The following IFI16 variants were observed in gnomAD, a reference collection of about 807,000 sequenced individuals.
The protein encoded by IFI16 is gamma-interferon-inducible protein 16.
Under a neutral mutation model 68.4 loss-of-function variants are expected in IFI16, and 49 were observed. The observed-to-expected ratio is 0.72, with a 90% CI of 0.57 to 0.91. IFI16 has a LOEUF of 0.91. IFI16 is among the 40% of genes least tolerant of loss of function. IFI16 has a pLI of 0.00. For missense variants in IFI16, 878 were observed against 942.9 expected (o/e 0.93, Z 0.90); for synonymous variants, 307 against 315.0 (o/e 0.97, Z 0.27).
intron 7 of IFI16, among the ~76,000 whole-genome samples, chr1:159,043,643 T>C (rs1654801996): frequency 6.6e-6 from 1 of 152,098 alleles, no homozygotes; most frequent in African/African-American, 2.4e-5. Flanking sequence ...ACTTTTTAAT[T>C]CAAAGCCGGA....
At chr1:159,053,832 A>C (rs1171959081) in intron 11 of IFI16, 108 bp downstream of exon 11, 2 of 803,366 alleles carry the variant, frequency 2.5e-6, no homozygotes, top group East Asian at 2.6e-5. Context: ...GTGGAAAAGG[A>C]ACAAAGCCTT....
chr1:159,026,158 A>G (rs1417857166), intron 6 of IFI16, among the ~76,000 whole-genome samples: 1 of 151,098 alleles, frequency 6.6e-6, no homozygotes, highest in Non-Finnish European at 1.5e-5. Context: ...TGCTTTGGCT[A>G]TGTGGTCTGT....
chr1:159,051,753 G>T lies in IFI16; in HGVS notation c.1740G>T (p.Val580=), dbSNP rs1409458281. ...GTGCCCAGAGTGACCTCAAAGAAGT[G>T]ATGGTGCTGAACGCAACAGAATCAT... ...EDSAQSDLKE[V]MVLNATESFV... Residue 580 remains valine (V), a synonymous_variant, in exon 10 of 12, where the codon GTG becomes GTT. Coordinates refer to ENST00000295809, the MANE Select transcript of IFI16 (RefSeq NM_001376587.1). 3 of 1,614,042 alleles carry T rather than the reference G, an allele frequency of 1.9e-6. No homozygotes were observed. The highest frequency in any genetic ancestry group is 2.2e-5 in the South Asian group (2 of 91,084).
rs1654060755 is a variant in IFI16, at chr1:159,032,529, GA to G, written c.1174del (p.Thr392GlnfsTer11). On this transcript the variant is annotated frameshift_variant, in exon 7 of 12. Coordinates refer to ENST00000295809, the MANE Select transcript of IFI16 (RefSeq NM_001376587.1). LOFTEE classifies it high-confidence loss of function. ...SEMHSFIQIKKKTNPRNNDPK... is the reference protein window; with the variant it reads ...SEMHSFIQIKXKTNPRNNDPK... ...CAGAAAATGAATACTTTCAGATAAA[GA>G]AAAAAACAAACCCGAGAAACAATGA... 1.9e-6 allele frequency: 3 copies of G among 1,572,928 alleles called. No individual in the cohort carries two copies. Among genetic ancestry groups the G allele is most frequent in the Admixed American group, 2.1e-5 (1 of 48,728 alleles).
At chr1:159,031,551 T>C (rs1169740719) in intron 6 of IFI16, among the ~76,000 whole-genome samples, 4 of 152,214 alleles carry the variant, frequency 2.6e-5, no homozygotes, top group Non-Finnish European at 4.4e-5. Context: ...CTCAGCTCTC[T>C]AAATTCACCT....
chr1:159,042,668 CCTTT>C (rs1408291529), intron 7 of IFI16, among the ~76,000 whole-genome samples: 1 of 152,190 alleles, frequency 6.6e-6, no homozygotes, highest in African/African-American at 2.4e-5. Flanking sequence ...TTCATAGGTA[CCTTT>C]CTATTTCTTT....
chr1:159,043,282 C>T (rs1446634218), intron 7 of IFI16, among the ~76,000 whole-genome samples: 1 of 152,272 alleles, frequency 6.6e-6, no homozygotes, highest in Non-Finnish European at 1.5e-5. Flanking sequence ...CACTGTCTCT[C>T]TGTTACTGCA....
intron 8 of IFI16, 84 bp downstream of exon 8, chr1:159,045,548 T>TC (rs1356352783): frequency 1.3e-6 from 2 of 1,507,400 alleles, no homozygotes; most frequent in African/African-American, 2.8e-5. Context: ...ACCTCACCAA[T>TC]CCCCTACTAC....
chr1:159,009,837 T>A (rs1202949586), upstream of IFI16: 1 of 152,158 alleles, frequency 6.6e-6, no homozygotes, highest in Non-Finnish European at 1.5e-5. Flanking sequence ...AAACTGTTCA[T>A]TTTCTCTGAC....
At chr1:159,044,973 A>C (rs1310912708) in intron 7 of IFI16, among the ~76,000 whole-genome samples, 3 of 151,976 alleles carry the variant, frequency 2.0e-5, no homozygotes, top group Non-Finnish European at 2.9e-5. Flanking sequence ...CTTTATTGCA[A>C]GCCATGCTGC....
At chr1:159,035,550 A>G (rs1571871361) in intron 7 of IFI16, among the ~76,000 whole-genome samples, 1 of 152,184 alleles carries the variant, frequency 6.6e-6, no homozygotes, top group Non-Finnish European at 1.5e-5. Flanking sequence ...TCATGGCCTC[A>G]TGCACCTAAA....
chr1:159,019,880 A>C (rs1239764277), intron 5 of IFI16, among the ~76,000 whole-genome samples: 1 of 152,210 alleles, frequency 6.6e-6, no homozygotes, highest in Non-Finnish European at 1.5e-5. Context: ...CAAATATTGG[A>C]AGAGACTCAG....
intron 8 of IFI16, among the ~76,000 whole-genome samples, chr1:159,046,074 T>C (rs1160715701): frequency 1.3e-5 from 2 of 151,322 alleles, no homozygotes; most frequent in Non-Finnish European, 3.0e-5. Context: ...CCATACAATA[T>C]AGATTTAAAT....
chr1:159,029,535 C>G lies in IFI16; in HGVS notation c.1162-2989C>G, dbSNP rs1653872736. ...TTCTCGTATTTGGATGTCTAGATCT[C>G]TAGGAAAGCCAGGGAAGTTTTCCTC... On this transcript the variant is annotated intron_variant, in intron 6 of 11. Transcript: ENST00000295809. 1.3e-5 allele frequency among the ~76,000 whole-genome samples: 2 copies of G among 152,150 alleles called. 1 individual carries two copies. Among genetic ancestry groups the G allele is most frequent in the Admixed American group, 1.3e-4 (2 of 15,276 alleles).
intron 7 of IFI16, among the ~76,000 whole-genome samples, chr1:159,035,969 GTACTCTCGTGAA>G (rs973030756): frequency 6.6e-6 from 1 of 152,126 alleles, no homozygotes; most frequent in African/African-American, 2.4e-5. Context: ...ATACTCCAAG[GTACTCTCGTGAA>G]TAAGTGGCAG....
intron 4 of IFI16, among the ~76,000 whole-genome samples, chr1:159,017,722 C>T (rs2101820599): frequency 6.6e-6 from 1 of 152,238 alleles, no homozygotes; most frequent in East Asian, 1.9e-4. Flanking sequence ...ATTCTCCTGC[C>T]TCAGCCTCCC....
At chr1:159,037,015 A>G (rs944693416) in intron 7 of IFI16, among the ~76,000 whole-genome samples, 1 of 152,210 alleles carries the variant, frequency 6.6e-6, no homozygotes, top group East Asian at 1.9e-4. Context: ...GCTACCTATC[A>G]TGACTGTTTG....
chr1:159,041,747 G>A (rs1269055763), intron 7 of IFI16, among the ~76,000 whole-genome samples: 1 of 152,170 alleles, frequency 6.6e-6, no homozygotes, highest in East Asian at 1.9e-4. Context: ...TGTGTAGGCT[G>A]AAATGTGGGC....
chr1:159,014,552 A>G (rs1229927605), intron 1 of IFI16, 109 bp from the exon 2 acceptor site: 3 of 652,330 alleles, frequency 4.6e-6, no homozygotes, highest in Non-Finnish European at 7.5e-6. Context: ...TCTTTATCAC[A>G]CATATTCATG....
Sources: allele counts gnomAD v4.1 joint callset (sites outside exome capture counted in the v4.1 genomes callset), GRCh38; gene constraint gnomAD v4.1.1; transcripts MANE v1.5; gene names NCBI Gene and HGNC (gene_info 2026-07-23, HGNC 2026-07-21).